Variants in METTL15 observed in about 807,000 individuals in gnomAD.
The protein encoded by METTL15 is methyltransferase 15, mitochondrial 12S rRNA N4-cytidine, also known as 12S rRNA N(4)-cytidine methyltransferase METTL15.
A neutral mutation model predicts 38.3 loss-of-function variants in METTL15; 34 were observed. The observed-to-expected ratio is 0.89, with a 90% CI of 0.68 to 1.18. The LOEUF (loss-of-function observed/expected upper bound fraction) is 1.18, where lower values mean the gene tolerates loss of function less well. METTL15 is among the 50% of genes most tolerant of loss of function. The pLI is 0.00. For synonymous variants in METTL15, 162 were observed against 170.9 expected, an observed-to-expected ratio of 0.95 and a Z score of 0.41; for missense variants, 438 against 498.4, an observed-to-expected ratio of 0.88 and a Z score of 1.15.
intron 6 of METTL15, among the ~76,000 whole-genome samples, chr11:28,480,167 A>G (rs1163920765): frequency 6.6e-6 from 1 of 152,214 alleles, no homozygotes; most frequent in East Asian, 1.9e-4. Flanking sequence ...TTAAAGTATA[A>G]TCTGCATTAT....
At chr11:28,314,392 T>TA (rs1453826435) in intron 6 of METTL15, among the ~76,000 whole-genome samples, 1 of 152,218 alleles carries the variant, frequency 6.6e-6, no homozygotes, top group Non-Finnish European at 1.5e-5. Context: ...GCAGCACTGT[T>TA]AATCATCTGT....
rs564098965 is a variant in METTL15 at position 28,304,445 on chromosome 11, G to A, written c.778+7514G>A. 1.7e-4 allele frequency among the ~76,000 whole-genome samples: 26 copies of A among 152,204 alleles called. No individual in the cohort carries two copies. The South Asian group carries it at 2.1e-3, about 12-fold the overall frequency. ...TGATAAGATAAAATTTATGCCAGGC[G>A]CAGTGGCTCACTCTATACTGCAAGC... On this transcript the variant is annotated intron_variant, in intron 6 of 6. Coordinates refer to ENST00000407364, the MANE Select transcript of METTL15 (RefSeq NM_001113528.2).
At chr11:28,142,681 C>G (rs1286974125) in intron 3 of METTL15, among the ~76,000 whole-genome samples, 1 of 152,122 alleles carries the variant, frequency 6.6e-6, no homozygotes, top group Non-Finnish European at 1.5e-5. Context: ...TTAAGGAGAA[C>G]AGAAAATGCT....
chr11:28,150,755 T>C (rs1413939603), intron 3 of METTL15, among the ~76,000 whole-genome samples: 2 of 151,604 alleles, frequency 1.3e-5, no homozygotes, highest in South Asian at 2.1e-4. Context: ...ACCAAGAAAA[T>C]CATTGCTGCC....
intron 3 of METTL15, among the ~76,000 whole-genome samples, chr11:28,134,186 G>A (rs1264629743): frequency 6.6e-6 from 1 of 152,280 alleles, no homozygotes; most frequent in Admixed American, 6.5e-5. Context: ...AAATAGCCAC[G>A]TGGACATTGA....
intron 3 of METTL15, among the ~76,000 whole-genome samples, chr11:28,210,382 C>T (rs140192878): frequency 1.5e-4 from 22 of 151,538 alleles, no homozygotes; most frequent in South Asian, 6.2e-4. Context: ...TTTTTTTAAC[C>T]GCTGAAGACA....
At chr11:28,292,957 C>A (rs930216931) in intron 5 of METTL15, among the ~76,000 whole-genome samples, 1 of 151,916 alleles carries the variant, frequency 6.6e-6, no homozygotes, top group Non-Finnish European at 1.5e-5. Flanking sequence ...GGATATTAGC[C>A]CTTTGTCAGA....
intron 5 of METTL15, among the ~76,000 whole-genome samples, chr11:28,292,906 GT>G (rs1856577867): frequency 6.6e-6 from 1 of 152,032 alleles, no homozygotes; most frequent in Non-Finnish European, 1.5e-5. Flanking sequence ...TGAAGGGGTT[GT>G]TTTTTTCTTG....
At chr11:28,336,026 T>A (rs1007002662), downstream of METTL15, among the ~76,000 whole-genome samples, 1 of 152,088 alleles carries the variant, frequency 6.6e-6, no homozygotes, top group Non-Finnish European at 1.5e-5. Flanking sequence ...AAATCTAACT[T>A]ACATTTCTGG....
At chr11:28,362,568 A>G (rs1012851506) in intron 5 of METTL15, among the ~76,000 whole-genome samples, 4 of 152,188 alleles carry the variant, frequency 2.6e-5, no homozygotes, top group African/African-American at 7.2e-5. Flanking sequence ...GCTCCCACTT[A>G]TAAGTGACAA....
intron 6 of METTL15, among the ~76,000 whole-genome samples, chr11:28,303,619 G>A (rs1460591878): frequency 6.6e-6 from 1 of 152,032 alleles, no homozygotes; most frequent in Non-Finnish European, 1.5e-5. Context: ...TGAAACTTTT[G>A]TGTAACCTTT....
At chr11:28,111,874 C>T (rs1036974300) in intron 2 of METTL15, among the ~76,000 whole-genome samples, 3 of 152,118 alleles carry the variant, frequency 2.0e-5, no homozygotes, top group Non-Finnish European at 4.4e-5. Context: ...TACTTTTGTA[C>T]GCTTTCCAGA....
At chr11:28,397,079 CA>C (rs1268374142) in intron 5 of METTL15, among the ~76,000 whole-genome samples, 4 of 152,032 alleles carry the variant, frequency 2.6e-5, no homozygotes, top group South Asian at 4.1e-4. Context: ...ACACTTTATA[CA>C]AAAATTAATT....
At chr11:28,363,735 G>T (rs1400507947) in intron 5 of METTL15, among the ~76,000 whole-genome samples, 3 of 152,040 alleles carry the variant, frequency 2.0e-5, no homozygotes, top group Non-Finnish European at 4.4e-5. Flanking sequence ...AATTGCTTTT[G>T]GGTCTTAGAC....
At chr11:28,125,639 A>G (rs1852446023) in intron 3 of METTL15, 1 of 152,082 alleles carries the variant, frequency 6.6e-6, no homozygotes, top group East Asian at 1.9e-4. Context: ...TTCTGTAATA[A>G]AGGGAATTAG....
At chr11:28,110,845 A>G (rs1372707399) in intron 2 of METTL15, among the ~76,000 whole-genome samples, 5 of 152,208 alleles carry the variant, frequency 3.3e-5, no homozygotes, top group Admixed American at 6.5e-5. Context: ...CTCAACAGCC[A>G]AAAGTGAACT....
intron 4 of METTL15, among the ~76,000 whole-genome samples, chr11:28,262,981 C>G (rs1855270155): frequency 6.6e-6 from 1 of 152,002 alleles, no homozygotes; most frequent in Non-Finnish European, 1.5e-5. Flanking sequence ...GAGTAGAGTA[C>G]TTCAATCCAT....
rs1851140501 is a variant in METTL15 at position 28,178,025 on chromosome 11, G to A, written c.271-33037G>A. Among the ~76,000 whole-genome samples, 3 of 151,900 alleles carry A rather than the reference G, an allele frequency of 2.0e-5. No homozygotes were observed. The South Asian group carries it at 6.2e-4, about 31-fold the overall frequency. ...ACACTTTTGATCTCAGGAAAAGAAA[G>A]AATATTTAACCCAAGTTACCTTCTT... On this transcript the variant is annotated intron_variant, in intron 3 of 6. Transcript: ENST00000407364.
At chr11:28,233,538 A>G (rs1853784138) in intron 4 of METTL15, among the ~76,000 whole-genome samples, 2 of 151,842 alleles carry the variant, frequency 1.3e-5, no homozygotes, top group African/African-American at 2.4e-5. Flanking sequence ...TTAACTCTCT[A>G]TTGTTGGGCA....
Sources: gnomAD v4.1 joint callset for allele counts (sites outside exome capture counted in the v4.1 genomes callset) on GRCh38, gnomAD v4.1.1 for gene constraint, MANE v1.5 for transcripts, NCBI Gene and HGNC (gene_info 2026-07-23, HGNC 2026-07-21) for gene names.